Variants in MCC observed in about 807,000 individuals in gnomAD.
MCC encodes the protein colorectal mutant cancer protein.
A neutral mutation model predicts 116.2 loss-of-function variants in MCC; 90 were observed. The observed-to-expected ratio is 0.77, with a 90% CI of 0.65 to 0.92. The LOEUF (loss-of-function observed/expected upper bound fraction) is 0.92. MCC is among the 40% of genes least tolerant of loss of function. The pLI, the probability that MCC is intolerant of heterozygous loss-of-function variation, is 0.00. For synonymous variants in MCC, 578 were observed against 510.5 expected, an observed-to-expected ratio of 1.13 and a Z score of -1.78; for missense variants, 1,516 against 1,312.2, an observed-to-expected ratio of 1.16 and a Z score of -2.40.
At chr5:113,318,018 A>C (rs1767329104) in intron 3 of MCC, among the ~76,000 whole-genome samples, 1 of 152,228 alleles carries the variant, frequency 6.6e-6, no homozygotes, top group Non-Finnish European at 1.5e-5. Context: ...AAGGAAGCAA[A>C]TCAATTATGA....
At chr5:113,151,664 G>C (rs1298132099) in intron 3 of MCC, among the ~76,000 whole-genome samples, 1 of 152,130 alleles carries the variant, frequency 6.6e-6, no homozygotes, top group African/African-American at 2.4e-5. Flanking sequence ...ATTTTGCATG[G>C]TATAATCAGG....
chr5:113,116,831 G>C (rs1757425212), intron 6 of MCC, among the ~76,000 whole-genome samples: 3 of 152,194 alleles, frequency 2.0e-5, no homozygotes, highest in African/African-American at 7.2e-5. Flanking sequence ...ATCCCTAGGA[G>C]AAAACACACA....
intron 3 of MCC, among the ~76,000 whole-genome samples, chr5:113,240,959 A>T (rs1764342034): frequency 6.6e-6 from 1 of 152,160 alleles, no homozygotes; most frequent in African/African-American, 2.4e-5. Context: ...CCATTCCACA[A>T]CACTGCTCCT....
chr5:113,037,924 C>G (rs1344421720), intron 17 of MCC, among the ~76,000 whole-genome samples: 4 of 152,160 alleles, frequency 2.6e-5, no homozygotes, highest in African/African-American at 9.7e-5. Flanking sequence ...GACCTACGGA[C>G]AATCTTGAGT....
At chr5:113,180,459 C>A (rs1030249969) in intron 3 of MCC, among the ~76,000 whole-genome samples, 1 of 152,068 alleles carries the variant, frequency 6.6e-6, no homozygotes, top group East Asian at 1.9e-4. Flanking sequence ...TTCCTTCTGC[C>A]CCTCCTAGGC....
At chr5:113,470,534 T>C (rs1254231762) in intron 1 of MCC, among the ~76,000 whole-genome samples, 2 of 151,912 alleles carry the variant, frequency 1.3e-5, no homozygotes, top group Non-Finnish European at 2.9e-5. Flanking sequence ...GCTTGTAGAG[T>C]TTCTGCCGAG....
intron 1 of MCC, among the ~76,000 whole-genome samples, chr5:113,454,429 A>G (rs1263584951): frequency 1.3e-5 from 2 of 152,180 alleles, no homozygotes; most frequent in African/African-American, 2.4e-5. Context: ...CATATAATTT[A>G]GTAAGTTTGT....
intron 3 of MCC, among the ~76,000 whole-genome samples, chr5:113,323,673 T>G (rs930374988): frequency 2.0e-5 from 3 of 152,188 alleles, no homozygotes; most frequent in African/African-American, 7.2e-5. Flanking sequence ...TCTTAACACA[T>G]TGGGAATCCT....
At chr5:113,395,667 C>A (rs769056423) in intron 1 of MCC, among the ~76,000 whole-genome samples, 1 of 152,174 alleles carries the variant, frequency 6.6e-6, no homozygotes, top group Admixed American at 6.5e-5. Flanking sequence ...AATCCATGCA[C>A]GCTTAACCTT....
chr5:113,475,038 C>T (rs537478437), intron 1 of MCC, among the ~76,000 whole-genome samples: 3 of 152,196 alleles, frequency 2.0e-5, no homozygotes, highest in Non-Finnish European at 4.4e-5. Context: ...GCAGCCACAT[C>T]GTTATGAAAA....
In MCC at chr5:113,434,528, G is replaced by T. The variant is rs1301034759; in HGVS notation, c.171-49316C>A. 1.2e-6 allele frequency: 2 copies of T among 1,612,672 alleles called. No individual in the cohort carries two copies. The highest frequency in any genetic ancestry group is 3.3e-5 in the Admixed American group (2 of 59,980). Reference sequence around the variant, plus strand: ...CTTCGTCCTCATGCAGGGCTCCCCGGGTTTTGATTAACTCGAGGAGGTCGC... The same window carrying T: ...CTTCGTCCTCATGCAGGGCTCCCCGTGTTTTGATTAACTCGAGGAGGTCGC... On this transcript the variant is annotated intron_variant, in intron 1 of 18. Transcript: ENST00000408903. The surrounding 1 kb of genome is among the most constrained non-coding windows in gnomAD (Gnocchi z 4.2).
chr5:113,157,005 T>TA (rs1216166689), intron 3 of MCC, among the ~76,000 whole-genome samples: 5 of 152,076 alleles, frequency 3.3e-5, no homozygotes, highest in African/African-American at 7.2e-5. Context: ...CTCCCAGGGG[T>TA]ATCTCCTTTG....
chr5:113,194,589 T>C (rs1261034148), intron 3 of MCC, among the ~76,000 whole-genome samples: 1 of 152,002 alleles, frequency 6.6e-6, no homozygotes, highest in Non-Finnish European at 1.5e-5. Flanking sequence ...GCCCAAGAGT[T>C]GGAGGCTGCA....
At chr5:113,070,692 G>T (rs1225050782) in intron 12 of MCC, among the ~76,000 whole-genome samples, 1 of 151,950 alleles carries the variant, frequency 6.6e-6, no homozygotes, top group Non-Finnish European at 1.5e-5. Context: ...TTGTTGGAGG[G>T]GTTACAGCCA....
At chr5:113,371,656 C>A (rs1025172476) in intron 2 of MCC, among the ~76,000 whole-genome samples, 5 of 152,252 alleles carry the variant, frequency 3.3e-5, no homozygotes, top group Admixed American at 3.3e-4. Context: ...CAACTGGAAA[C>A]CATACACAAT....
At chr5:113,156,789 G>A (rs1760196251) in intron 3 of MCC, among the ~76,000 whole-genome samples, 1 of 152,178 alleles carries the variant, frequency 6.6e-6, no homozygotes, top group Non-Finnish European at 1.5e-5. Flanking sequence ...TCATTTTACA[G>A]TGTGTATCCA....
rs1750452392 is a variant in MCC, at chr5:113,025,221, G to A, written c.*2081C>T. 6.7e-6 allele frequency: 1 copy of A among 150,076 alleles called. No homozygotes were observed. Among genetic ancestry groups the A allele is most frequent in the Non-Finnish European group, 1.5e-5 (1 of 67,672 alleles). 9.3% of individuals were successfully genotyped at this position (150,076 alleles called of 1,614,324 possible). A position where few individuals can be genotyped will look rare whatever the true frequency, so the allele number is the denominator to read the frequency against. ...CAGGGGAGGACGTTTCCCTAGGCAA[G>A]CTGGAAAAATAGTGAAAACTGATTT... On this transcript the variant is annotated 3_prime_UTR_variant, in exon 19 of 19. Coordinates refer to ENST00000408903, the MANE Select transcript of MCC (RefSeq NM_001085377.2).
chr5:113,390,830 G>C (rs138835113), intron 1 of MCC, among the ~76,000 whole-genome samples: 2 of 152,222 alleles, frequency 1.3e-5, no homozygotes, highest in East Asian at 1.9e-4. Context: ...GAGACCCCTG[G>C]ACCTAGTAGG....
Position 113,488,452 on chromosome 5 carries a change from C to G in MCC, c.-38G>C, listed in dbSNP as rs997475249. The G allele has an allele frequency of 7.2e-7, 1 of 1,390,654 alleles. No individual in the cohort carries two copies. The highest frequency in any genetic ancestry group is 1.5e-5 in the African/African-American group (1 of 66,572). The allele number at this position is 1,390,654 out of a possible 1,614,324, so 86.1% of individuals were successfully genotyped here. ...TACTTGGGAGGAGGAGTACGCGCGA[C>G]CGCAGCTGGAATCCGCGCGGCGCGC... is the stretch of plus-strand genomic sequence containing the variant. On this transcript the variant is annotated 5_prime_UTR_variant, in exon 1 of 19. Transcript: ENST00000408903.
Sources: allele counts gnomAD v4.1 joint callset (sites outside exome capture counted in the v4.1 genomes callset), GRCh38; gene constraint gnomAD v4.1.1; non-coding constraint Gnocchi (gnomAD v3.1); transcripts MANE v1.5; gene names NCBI Gene and HGNC (gene_info 2026-07-23, HGNC 2026-07-21).